The following BRMS1L variants were observed in gnomAD, a reference collection of about 807,000 sequenced individuals.
BRMS1L encodes BRMS1 like transcriptional repressor.
In BRMS1L, 23 loss-of-function variants were observed where a neutral mutation model predicts 50.3. That is an observed-to-expected ratio of 0.46 (90% CI 0.33 to 0.65). The LOEUF (loss-of-function observed/expected upper bound fraction) is 0.65. Among genes scored for constraint, BRMS1L ranks in the 30% least tolerant of loss-of-function variants. The pLI is 0.02. For synonymous variants in BRMS1L, 114 were observed against 126.9 expected (o/e 0.90, Z 0.69); for missense variants, 286 against 386.1 (o/e 0.74, Z 2.17).
intron 4 of BRMS1L, among the ~76,000 whole-genome samples, chr14:35,846,394 TAAA>T (rs556829031): frequency 8.2e-6 from 1 of 121,676 alleles, no homozygotes; most frequent in Non-Finnish European, 1.8e-5. Context: ...AGATCCTGTC[TAAA>T]AAAAAAAAAA....
intron 4 of BRMS1L, among the ~76,000 whole-genome samples, chr14:35,858,299 C>T (rs1242098971): frequency 6.6e-6 from 1 of 152,144 alleles, no homozygotes; most frequent in Non-Finnish European, 1.5e-5. Flanking sequence ...CCCTCGTGTC[C>T]CCTATCCTCC....
intron 4 of BRMS1L, among the ~76,000 whole-genome samples, chr14:35,837,855 A>G (rs1020834428): frequency 6.6e-6 from 1 of 152,156 alleles, no homozygotes; most frequent in Admixed American, 6.5e-5. Context: ...TCTGGCCCCA[A>G]TTTTAATTTA....
chr14:35,856,085 C>G (rs1952186), intron 4 of BRMS1L, among the ~76,000 whole-genome samples: 1 of 152,014 alleles, frequency 6.6e-6, no homozygotes, highest in Non-Finnish European at 1.5e-5. Context: ...GCAAGGGAAG[C>G]GGAAAGAAGG....
chr14:35,856,953 T>C (rs1295639091), intron 4 of BRMS1L, among the ~76,000 whole-genome samples: 1 of 152,122 alleles, frequency 6.6e-6, no homozygotes. Context: ...TTAAAAAATT[T>C]GTTGTGGCCG....
chr14:35,856,698 G>A (rs919112729), intron 4 of BRMS1L, among the ~76,000 whole-genome samples: 1 of 151,772 alleles, frequency 6.6e-6, no homozygotes, highest in Admixed American at 6.6e-5. Flanking sequence ...TGCAAACTCT[G>A]CCTCCCAGGC....
intron 4 of BRMS1L, among the ~76,000 whole-genome samples, chr14:35,852,077 C>G (rs551825127): frequency 1.3e-5 from 2 of 152,176 alleles, no homozygotes; most frequent in African/African-American, 4.8e-5. Flanking sequence ...CCAGCTTTCT[C>G]TTGCTCAACA....
In BRMS1L at chr14:35,826,401, C is replaced by G; in HGVS notation, c.-116C>G. ...GCCCGGGCCGGGGGCGGGGAGGAGCCAAGGGGGCGAGCAAGCTCGGTGGCT... is the reference window on the plus strand; with the variant it reads ...GCCCGGGCCGGGGGCGGGGAGGAGCGAAGGGGGCGAGCAAGCTCGGTGGCT... On this transcript the variant is annotated 5_prime_UTR_variant, in exon 1 of 10. Transcript: ENST00000216807. 2 of 1,477,248 alleles carry G rather than the reference C, an allele frequency of 1.4e-6. No homozygotes were observed. The highest frequency in any genetic ancestry group is 1.8e-6 in the Non-Finnish European group (2 of 1,095,154). The allele number at this position is 1,477,248 out of a possible 1,614,324, so 91.5% of individuals were successfully genotyped here.
At chr14:35,834,948 A>C in intron 4 of BRMS1L, 25 bp downstream of exon 4, 1 of 1,567,642 alleles carries the variant, frequency 6.4e-7, no homozygotes, top group South Asian at 1.2e-5. Flanking sequence ...CATAACTTTT[A>C]AGCTAATTTC....
intron 4 of BRMS1L, among the ~76,000 whole-genome samples, 162 bp downstream of exon 4, chr14:35,835,085 C>A (rs1337035965): frequency 6.6e-6 from 1 of 151,298 alleles, no homozygotes. Flanking sequence ...GCATTGGAAG[C>A]TGTATTGGAG....
intron 8 of BRMS1L, 82 bp from the exon 9 acceptor site, chr14:35,867,824 G>A (rs939754204): frequency 1.5e-6 from 2 of 1,330,812 alleles, no homozygotes; most frequent in African/African-American, 3.0e-5. Context: ...TGCATGGATT[G>A]ATGTTAATTG....
At chr14:35,865,315 C>T (rs1360675150) in intron 7 of BRMS1L, among the ~76,000 whole-genome samples, 2 of 152,134 alleles carry the variant, frequency 1.3e-5, no homozygotes, top group Non-Finnish European at 2.9e-5. Context: ...TTTGGCTGGT[C>T]CTGGCTTATA....
At chr14:35,841,368 G>A (rs911248582) in intron 4 of BRMS1L, among the ~76,000 whole-genome samples, 9 of 150,440 alleles carry the variant, frequency 6.0e-5, no homozygotes, top group Admixed American at 5.3e-4. Context: ...GCGCAATCTC[G>A]GCTCACTGCA....
chr14:35,869,338 G>T (rs1345015382), intron 9 of BRMS1L, among the ~76,000 whole-genome samples: 2 of 152,024 alleles, frequency 1.3e-5, no homozygotes, highest in Admixed American at 6.6e-5. Context: ...AGAATCACTT[G>T]AGCCAAGGAG....
chr14:35,831,584 C>A, intron 2 of BRMS1L, 84 bp downstream of exon 2: 1 of 1,006,972 alleles, frequency 9.9e-7, no homozygotes, highest in Non-Finnish European at 1.5e-6. Flanking sequence ...TAGATTCAGT[C>A]TCAGCTGTTT....
intron 1 of BRMS1L, 61 bp downstream of exon 1, chr14:35,826,719 C>T: frequency 6.3e-7 from 1 of 1,588,020 alleles, no homozygotes. Flanking sequence ...GGCCGCTCTC[C>T]GCACGCCAGG....
At chr14:35,865,384 C>A (rs931769702) in intron 7 of BRMS1L, among the ~76,000 whole-genome samples, 2 of 152,168 alleles carry the variant, frequency 1.3e-5, no homozygotes, top group Admixed American at 6.5e-5. Flanking sequence ...ATGTGTCTTG[C>A]ATCCTATCAT....
intron 4 of BRMS1L, among the ~76,000 whole-genome samples, chr14:35,860,768 T>G (rs117344737): frequency 0.035 from 5,281 of 152,110 alleles, 174 homozygotes; most frequent in Middle Eastern, 0.075. Context: ...AATGGAAGCT[T>G]GGGGCCACTT....
intron 4 of BRMS1L, among the ~76,000 whole-genome samples, chr14:35,857,849 C>T (rs1024663623): frequency 4.0e-5 from 6 of 149,350 alleles, no homozygotes; most frequent in Non-Finnish European, 4.4e-5. Flanking sequence ...TTAGTTTTCT[C>T]TGTGTTTATC....
chr14:35,856,523 CTG>C (rs1399024083), intron 4 of BRMS1L, among the ~76,000 whole-genome samples: 2 of 151,790 alleles, frequency 1.3e-5, no homozygotes, highest in African/African-American at 4.9e-5. Context: ...TAGTAAATGT[CTG>C]TCGAGAAATA....
Sources: allele counts gnomAD v4.1 joint callset (sites outside exome capture counted in the v4.1 genomes callset), GRCh38; gene constraint gnomAD v4.1.1; transcripts MANE v1.5; gene names NCBI Gene and HGNC (gene_info 2026-07-23, HGNC 2026-07-21).